Variants in RBFOX1 observed in about 807,000 individuals in gnomAD.
The protein encoded by RBFOX1 is RNA binding protein fox-1 homolog 1.
A neutral mutation model predicts 57.7 loss-of-function variants in RBFOX1; 8 were observed. The ratio of observed to expected loss-of-function variants is 0.14; its 90% CI spans 0.08 to 0.25. RBFOX1 has a LOEUF of 0.25. Ranked by LOEUF, RBFOX1 falls within the 10% of genes least tolerant of loss-of-function variation. The pLI is 1.00. For synonymous variants in RBFOX1, 326 were observed against 222.4 expected, an observed-to-expected ratio of 1.47 and a Z score of -4.15; for missense variants, 611 against 548.5, an observed-to-expected ratio of 1.11 and a Z score of -1.14.
intron 2 of RBFOX1, among the ~76,000 whole-genome samples, chr16:6,469,086 A>G (rs2153077271): frequency 6.6e-6 from 1 of 152,290 alleles, no homozygotes; most frequent in Admixed American, 6.5e-5. Context: ...AAGCAACAAG[A>G]ACTTCAGACA....
At chr16:5,938,193 A>G (rs908979928) in intron 4 of RBFOX1, among the ~76,000 whole-genome samples, 3 of 151,886 alleles carry the variant, frequency 2.0e-5, no homozygotes, top group African/African-American at 7.3e-5. Flanking sequence ...GGAATATTCT[A>G]CCTATCTTGG....
At chr16:6,411,950 A>G (rs1596813589) in intron 2 of RBFOX1, among the ~76,000 whole-genome samples, 1 of 152,182 alleles carries the variant, frequency 6.6e-6, no homozygotes, top group South Asian at 2.1e-4. Flanking sequence ...TGGCCAACAC[A>G]GTGAAACCCT....
At chr16:5,825,810 T>TAAGGAATAATATTCCTTAATATGAAC (rs1443495494) in intron 3 of RBFOX1, among the ~76,000 whole-genome samples, 2 of 145,802 alleles carry the variant, frequency 1.4e-5, no homozygotes, top group African/African-American at 5.0e-5. Flanking sequence ...TTAATATGAA[T>TAAGGAATAATATTCCTTAATATGAAC]AAGGAATAAT....
In RBFOX1 at chr16:6,959,552, T is replaced by G. The variant is rs189348607; in HGVS notation, c.-15-92505T>G. Reference sequence around the variant, plus strand: ...GTGTGCATTTGGACCCAGGTCTCAGTGAGTCTGTGGCAAAGCAGGTCTCCC... The same window carrying G: ...GTGTGCATTTGGACCCAGGTCTCAGGGAGTCTGTGGCAAAGCAGGTCTCCC... On this transcript the variant is annotated intron_variant, in intron 3 of 15. Transcript: ENST00000550418. Among the ~76,000 whole-genome samples the G allele has an allele frequency of 4.6e-5, 7 of 152,258 alleles. No homozygotes were observed. The East Asian group carries it at 1.3e-3, about 29-fold the overall frequency.
chr16:7,117,868 T>A (rs1446875249), intron 4 of RBFOX1, among the ~76,000 whole-genome samples: 1 of 152,146 alleles, frequency 6.6e-6, no homozygotes, highest in Non-Finnish European at 1.5e-5. Flanking sequence ...ATTCATTTTG[T>A]TGTAGCTGCA....
chr16:5,381,906 T>C (rs1193824122), intron 1 of RBFOX1, among the ~76,000 whole-genome samples: 1 of 152,206 alleles, frequency 6.6e-6, no homozygotes, highest in Non-Finnish European at 1.5e-5. Flanking sequence ...CTATTGACAT[T>C]TGGGGCTGAT....
chr16:5,471,843 C>T (rs1032343692), intron 2 of RBFOX1, among the ~76,000 whole-genome samples: 1 of 152,100 alleles, frequency 6.6e-6, no homozygotes, highest in African/African-American at 2.4e-5. Flanking sequence ...TGTGGCTAGA[C>T]CAAGGAGAAG....
chr16:6,649,788 T>C (rs2098565345), intron 2 of RBFOX1, among the ~76,000 whole-genome samples: 1 of 152,224 alleles, frequency 6.6e-6, no homozygotes, highest in Non-Finnish European at 1.5e-5. Flanking sequence ...TTCCATTTTA[T>C]ATATGTAAGT....
intron 2 of RBFOX1, among the ~76,000 whole-genome samples, chr16:6,474,638 G>C (rs2095244910): frequency 6.6e-6 from 1 of 152,124 alleles, no homozygotes; most frequent in Non-Finnish European, 1.5e-5. Flanking sequence ...TGGGGCAGGT[G>C]GATAGGCGAG....
intron 3 of RBFOX1, among the ~76,000 whole-genome samples, chr16:6,843,159 T>C (rs1309473815): frequency 6.6e-6 from 1 of 152,166 alleles, no homozygotes; most frequent in African/African-American, 2.4e-5. Flanking sequence ...AAGCATATGA[T>C]TCTCTGAGCA....
intron 4 of RBFOX1, among the ~76,000 whole-genome samples, chr16:7,455,872 A>C (rs561244015): frequency 3.9e-4 from 59 of 151,982 alleles, no homozygotes; most frequent in Non-Finnish European, 6.8e-4. Context: ...ACTTACTATG[A>C]GCCACTGTGA....
intron 3 of RBFOX1, among the ~76,000 whole-genome samples, chr16:6,710,718 C>G (rs574297183): frequency 6.6e-6 from 1 of 152,240 alleles, no homozygotes; most frequent in Non-Finnish European, 1.5e-5. Flanking sequence ...CCTGCTTGCC[C>G]TCGGGTGGCC....
intron 4 of RBFOX1, among the ~76,000 whole-genome samples, chr16:7,158,315 T>C (rs949937059): frequency 1.3e-5 from 2 of 152,150 alleles, no homozygotes; most frequent in Non-Finnish European, 2.9e-5. Flanking sequence ...CACTGCACTC[T>C]ACCCTGGTCA....
chr16:6,486,772 G>A (rs1489006801), intron 2 of RBFOX1, among the ~76,000 whole-genome samples: 1 of 150,486 alleles, frequency 6.6e-6, no homozygotes, highest in Non-Finnish European at 1.5e-5. Flanking sequence ...TGCTCTTTTT[G>A]TTTTCTTTCA....
At chr16:5,386,136 T>C (rs2066249013) in intron 1 of RBFOX1, among the ~76,000 whole-genome samples, 2 of 151,470 alleles carry the variant, frequency 1.3e-5, no homozygotes, top group African/African-American at 2.4e-5. Context: ...GGAGTTTATT[T>C]AGGTTTATTA....
chr16:6,670,377 T>A (rs539769672), intron 3 of RBFOX1, among the ~76,000 whole-genome samples: 1 of 152,138 alleles, frequency 6.6e-6, no homozygotes, highest in African/African-American at 2.4e-5. Context: ...GACAAACATA[T>A]GTATTTTTAA....
intron 1 of RBFOX1, among the ~76,000 whole-genome samples, chr16:5,274,505 C>T (rs1247164881): frequency 2.0e-5 from 3 of 152,094 alleles, no homozygotes; most frequent in Admixed American, 6.6e-5. Flanking sequence ...CCCTAGCCTG[C>T]GTGATAGGGC....
At chr16:6,247,677 GA>G (rs1382894819) in intron 1 of RBFOX1, among the ~76,000 whole-genome samples, 1 of 152,150 alleles carries the variant, frequency 6.6e-6, no homozygotes, top group East Asian at 1.9e-4. Flanking sequence ...GAGAAGCAAA[GA>G]TACTTGCCAA....
At chr16:7,149,867 G>A (rs549625055) in intron 4 of RBFOX1, among the ~76,000 whole-genome samples, 8 of 152,084 alleles carry the variant, frequency 5.3e-5, no homozygotes, top group Non-Finnish European at 8.8e-5. Flanking sequence ...CCTTAATGTA[G>A]CCCTTTCTAT....
Sources: gnomAD v4.1 joint callset for allele counts (sites outside exome capture counted in the v4.1 genomes callset) on GRCh38, gnomAD v4.1.1 for gene constraint, MANE v1.5 for transcripts, NCBI Gene and HGNC (gene_info 2026-07-23, HGNC 2026-07-21) for gene names.